PPP2R2C: variants seen among roughly 807,000 people sequenced by gnomAD.
PPP2R2C encodes protein phosphatase 2 regulatory subunit Bgamma, also known as protein phosphatase 2, regulatory subunit B, gamma.
A neutral mutation model predicts 45.3 loss-of-function variants in PPP2R2C; 10 were observed. The ratio of observed to expected loss-of-function variants is 0.22; its 90% confidence interval spans 0.14 to 0.37. PPP2R2C has a LOEUF of 0.37. Among genes scored for constraint, PPP2R2C ranks in the 10% least tolerant of loss-of-function variants. PPP2R2C has a pLI of 1.00. For synonymous variants in PPP2R2C, 257 were observed against 245.4 expected, an observed-to-expected ratio of 1.05 and a Z score of -0.44; for missense variants, 308 against 619.7, an observed-to-expected ratio of 0.50 and a Z score of 5.34.
intron 6 of PPP2R2C, among the ~76,000 whole-genome samples, chr4:6,341,871 C>G (rs1030898256): frequency 6.6e-6 from 1 of 152,034 alleles, no homozygotes; most frequent in African/African-American, 2.4e-5. Flanking sequence ...GGCCAGCTGA[C>G]GCCTTCATTT....
intron 5 of PPP2R2C, among the ~76,000 whole-genome samples, chr4:6,363,595 G>C (rs73206115): frequency 0.43 from 64,857 of 151,080 alleles, 15,790 homozygotes; most frequent in Non-Finnish European, 0.54. Context: ...AAAAAGAAAA[G>C]AAAAAGAAAG....
chr4:6,491,495 T>C (rs1375978702), intron 2 of PPP2R2C, among the ~76,000 whole-genome samples: 2 of 152,058 alleles, frequency 1.3e-5, no homozygotes, highest in Non-Finnish European at 2.9e-5. Flanking sequence ...AAAGAAGTGA[T>C]GATTGGTTCA....
At position 6,368,938 on chromosome 4, in the gene PPP2R2C, A is replaced by G. The variant is rs1714573508; in HGVS notation, c.625+3585T>C. 6.6e-6 allele frequency among the ~76,000 whole-genome samples: 1 copy of G among 152,232 alleles called. No individual in the cohort carries two copies. On this transcript the variant is annotated intron_variant, in intron 5 of 8. Transcript: ENST00000382599. The surrounding 1 kb of genome is among the most constrained non-coding windows in gnomAD (Gnocchi z 4.2). ...GTTCCCTGGAAGCAGGCAGGTGGGA[A>G]GTCGGCACAGCCTCCAGTAATGTAA...
Position 6,489,831 on chromosome 4 carries a change from C to T in PPP2R2C, c.49+45440G>A, listed in dbSNP as rs1310592836. ...GGTAGGACAGGAAACCACCTGTTACCACCTGAATTAATTGCATCCACTATT... is the reference window on the plus strand; with the variant it reads ...GGTAGGACAGGAAACCACCTGTTACTACCTGAATTAATTGCATCCACTATT... On this transcript the variant is annotated intron_variant, in intron 2 of 9. Transcript: ENST00000506140. Among the ~76,000 whole-genome samples, 4 of 152,270 alleles carry T rather than the reference C, an allele frequency of 2.6e-5. No individual in the cohort carries two copies. In the East Asian group the frequency reaches 7.7e-4, roughly 29 times the overall value.
At chr4:6,549,836 T>C (rs1725122912) in intron 1 of PPP2R2C, among the ~76,000 whole-genome samples, 2 of 152,208 alleles carry the variant, frequency 1.3e-5, no homozygotes. Context: ...GCCCTGACAG[T>C]CCTTATGGGA....
chr4:6,549,634 T>C (rs1725113962), intron 1 of PPP2R2C, among the ~76,000 whole-genome samples: 1 of 152,168 alleles, frequency 6.6e-6, no homozygotes, highest in African/African-American at 2.4e-5. Flanking sequence ...CTGAGAGCAG[T>C]GGGCTCTGAT....
At chr4:6,403,075 C>G (rs1717533472) in intron 1 of PPP2R2C, among the ~76,000 whole-genome samples, 1 of 152,244 alleles carries the variant, frequency 6.6e-6, no homozygotes. Context: ...CAGAAGGGGC[C>G]ACTTTGGGCT....
At chr4:6,553,881 T>C (rs1213422266) in intron 1 of PPP2R2C, among the ~76,000 whole-genome samples, 3 of 152,012 alleles carry the variant, frequency 2.0e-5, no homozygotes, top group African/African-American at 7.3e-5. Flanking sequence ...TGCCCCCTTC[T>C]CTACCAGGCC....
chr4:6,562,256 A>G (rs1250268469), intron 1 of PPP2R2C, among the ~76,000 whole-genome samples: 1 of 151,562 alleles, frequency 6.6e-6, no homozygotes, highest in African/African-American at 2.4e-5. Context: ...AACGGGCCCC[A>G]CTCCCTGCCA....
upstream of PPP2R2C, chr4:6,563,642 G>T (rs1219933696): frequency 6.6e-6 from 1 of 150,640 alleles, no homozygotes; most frequent in Admixed American, 6.7e-5. This position sits in a 1 kb window ranked among gnomAD's most constrained non-coding sequence, Gnocchi z 5.8. Context: ...CGGCGGGCGC[G>T]GCGGGGGCGC....
In PPP2R2C at chr4:6,378,299, T is replaced by G; in HGVS notation, c.334+108A>C. 1 of 1,566,492 alleles carries G rather than the reference T, an allele frequency of 6.4e-7. No homozygotes were observed. On this transcript the variant is annotated intron_variant, in intron 3 of 8. Transcript: ENST00000382599. This position sits in a 1 kb window ranked among gnomAD's most constrained non-coding sequence, Gnocchi z 5.2. ...CAAAAAGGATATTATTTTCTAGGCG[T>G]TCTGAAGACATAGAAAAATGCTCAC...
chr4:6,401,507 C>T (rs59042940), intron 1 of PPP2R2C, among the ~76,000 whole-genome samples: 1,737 of 152,060 alleles, frequency 0.011, 34 homozygotes, highest in African/African-American at 0.039. Context: ...AGCTATTCAG[C>T]CTTCCAGAGA....
At chr4:6,338,195 G>T (rs929176067) in intron 6 of PPP2R2C, among the ~76,000 whole-genome samples, 2 of 151,996 alleles carry the variant, frequency 1.3e-5, no homozygotes, top group Non-Finnish European at 2.9e-5. Context: ...ACTTGTGATG[G>T]GCCCAGTCCC....
intron 1 of PPP2R2C, among the ~76,000 whole-genome samples, chr4:6,549,576 A>G (rs73796251): frequency 0.01 from 1,547 of 152,268 alleles, 26 homozygotes; most frequent in African/African-American, 0.035. Context: ...CCAGACTGAT[A>G]ACACCGGCTC....
At chr4:6,477,730 CAAA>C (rs5855918) in intron 2 of PPP2R2C, among the ~76,000 whole-genome samples, 31 of 77,068 alleles carry the variant, frequency 4.0e-4, no homozygotes, top group South Asian at 1.5e-3. Flanking sequence ...GACTCCGTCT[CAAA>C]AAAAAAAAAA....
At chr4:6,381,187 C>T in intron 1 of PPP2R2C, 93 bp from the exon 2 acceptor site, 1 of 1,547,212 alleles carries the variant, frequency 6.5e-7, no homozygotes, top group Non-Finnish European at 8.7e-7. Flanking sequence ...GAGCTCCCCG[C>T]TCCCCGAGGC....
At position 6,446,124 on chromosome 4, in the gene PPP2R2C, C is replaced by T. The variant is rs979042641; in HGVS notation, c.70+26036G>A. On this transcript the variant is annotated intron_variant, in intron 1 of 8. Coordinates refer to ENST00000382599, the MANE Select transcript of PPP2R2C (RefSeq NM_020416.4). ...AAAAGCCAGTAACAGTGGCACTTAT[C>T]CTTATGGTCACGCTGGATATTAAAG... Among the ~76,000 whole-genome samples the T allele has an allele frequency of 6.6e-4, 101 of 152,222 alleles. 1 individual carries two copies. Among genetic ancestry groups the T allele is most frequent in the African/African-American group, 2.4e-3 (100 of 41,512 alleles).
chr4:6,497,386 G>A (rs1285827042), intron 2 of PPP2R2C, among the ~76,000 whole-genome samples: 4 of 152,052 alleles, frequency 2.6e-5, no homozygotes, highest in Non-Finnish European at 5.9e-5. Context: ...TCAGGAAATG[G>A]CAGAGTACAG....
chr4:6,351,490 G>T (rs62285891), intron 5 of PPP2R2C, among the ~76,000 whole-genome samples: 5,036 of 152,188 alleles, frequency 0.033, 125 homozygotes, highest in Non-Finnish European at 0.049. Flanking sequence ...AAAGGCAAAG[G>T]GATCGAGGGC....
Sources: gnomAD v4.1 joint callset for allele counts (sites outside exome capture counted in the v4.1 genomes callset) on GRCh38, gnomAD v4.1.1 for gene constraint, Gnocchi (gnomAD v3.1) non-coding constraint, MANE v1.5 for transcripts, NCBI Gene and HGNC (gene_info 2026-07-23, HGNC 2026-07-21) for gene names.